Variants in LAMA4 observed in about 807,000 individuals in gnomAD.
LAMA4 encodes laminin subunit alpha 4.
In LAMA4, 127 loss-of-function variants were observed where a neutral mutation model predicts 207.1. The ratio of observed to expected loss-of-function variants is 0.61; its 90% confidence interval spans 0.53 to 0.71. LAMA4 has a LOEUF of 0.71. LAMA4 is among the 30% of genes least tolerant of loss of function. The pLI is 0.00. For missense variants in LAMA4, 2,093 were observed against 2,246.5 expected (o/e 0.93, Z 1.38); for synonymous variants, 761 against 816.0 (o/e 0.93, Z 1.15).
rs1489818057 is a variant in LAMA4 at position 112,254,273 on chromosome 6, G to T, written c.-123C>A. 2.4e-6 allele frequency: 3 copies of T among 1,237,644 alleles called. No homozygotes were observed. The highest frequency in any genetic ancestry group is 3.9e-5 in the Admixed American group (2 of 51,692). The allele number at this position is 1,237,644 out of a possible 1,614,324, so 76.7% of individuals were successfully genotyped here. ...TCCTCTCCGTGTGCAGTATCCCGAG[G>T]TGGCTGCGCAACCAGCAGCTTAGGA... is the stretch of plus-strand genomic sequence containing the variant. On this transcript the variant is annotated 5_prime_UTR_variant, in exon 2 of 39. Coordinates refer to ENST00000230538, the MANE Select transcript of LAMA4 (RefSeq NM_001105206.3).
At chr6:112,203,822 C>G (rs1162639660) in intron 4 of LAMA4, among the ~76,000 whole-genome samples, 1 of 152,152 alleles carries the variant, frequency 6.6e-6, no homozygotes, top group Admixed American at 6.5e-5. Context: ...TTTTCAACCT[C>G]GAATCTGTAC....
intron 2 of LAMA4, among the ~76,000 whole-genome samples, chr6:112,229,293 G>A (rs782048476): frequency 6.6e-6 from 1 of 152,024 alleles, no homozygotes; most frequent in African/African-American, 2.4e-5. Context: ...TTGGTGGAGA[G>A]CAGCCCATCT....
intron 12 of LAMA4, among the ~76,000 whole-genome samples, chr6:112,167,840 T>TCACACACACACACA (rs71021873): frequency 2.4e-5 from 3 of 125,858 alleles, no homozygotes; most frequent in Non-Finnish European, 4.9e-5. Flanking sequence ...ATGCATACCA[T>TCACACACACACACA]CACACACACA....
rs782595631 is a variant in LAMA4 at position 112,144,838 on chromosome 6, T to A, written c.2449A>T (p.Arg817Trp). 21 of 1,613,850 alleles carry A rather than the reference T, an allele frequency of 1.3e-5. No homozygotes were observed. The highest frequency in any genetic ancestry group is 1.6e-5 in the Non-Finnish European group (19 of 1,180,018). Residue 817 changes from arginine to tryptophan, a missense_variant, in exon 19 of 39, where the codon AGG (arginine) becomes TGG (tryptophan). Physicochemically the swap from Arg to Trp is moderately radical, Grantham distance 101. Coordinates refer to ENST00000230538, the MANE Select transcript of LAMA4 (RefSeq NM_001105206.3). ...PASNVSASIQ[R>W]IRELIAQTRS... is the part of the protein sequence containing the mutation. ...GTCTGAGCAATGAGCTCTCGGATCCTCTGGATGCTGGCAGAAACGTTGCTT... is the reference window on the plus strand; with the variant it reads ...GTCTGAGCAATGAGCTCTCGGATCCACTGGATGCTGGCAGAAACGTTGCTT...
chr6:112,115,320 TAA>T (rs1388813294), intron 36 of LAMA4, among the ~76,000 whole-genome samples: 3 of 152,188 alleles, frequency 2.0e-5, no homozygotes, highest in African/African-American at 4.8e-5. Flanking sequence ...TCTGTTATGT[TAA>T]GTTAGCAGCA....
chr6:112,224,192 T>A (rs1288195865), intron 2 of LAMA4, among the ~76,000 whole-genome samples: 1 of 152,200 alleles, frequency 6.6e-6, no homozygotes, highest in Non-Finnish European at 1.5e-5. Flanking sequence ...AGCCTTGACA[T>A]CTTTACCTGG....
intron 9 of LAMA4, among the ~76,000 whole-genome samples, chr6:112,180,240 C>T (rs919843322): frequency 1.3e-5 from 2 of 152,128 alleles, no homozygotes; most frequent in Non-Finnish European, 2.9e-5. Flanking sequence ...TGAGAGACAG[C>T]TGAAAAATGT....
At chr6:112,148,807 C>T (rs185438102) in intron 17 of LAMA4, among the ~76,000 whole-genome samples, 14 of 151,804 alleles carry the variant, frequency 9.2e-5, no homozygotes, top group African/African-American at 3.1e-4. Context: ...TGTAAATTTA[C>T]AACAAAAAAT....
rs1554342378 is a variant in LAMA4, at chr6:112,172,761, G to T, written c.1401C>A (p.Thr467=). The change falls in exon 12 of 39, where the codon ACC becomes ACA. Residue 467 remains threonine (T), a synonymous_variant. Coordinates refer to ENST00000230538, the MANE Select transcript of LAMA4 (RefSeq NM_001105206.3). The part of the protein sequence containing the change: ...AESWQRLHNE[T]RTLFPVVLEQ... ...CCAGGACGACAGGAAACAGAGTGCG[G>T]GTCTCATTGTGCAGCCGCTGCCAGC... 6.2e-7 allele frequency: 1 copy of T among 1,614,002 alleles called. No individual in the cohort carries two copies. Among genetic ancestry groups the T allele is most frequent in the Non-Finnish European group, 8.5e-7 (1 of 1,179,962 alleles).
chr6:112,157,891 T>C (rs1284461940), intron 14 of LAMA4: 1 of 152,234 alleles, frequency 6.6e-6, no homozygotes, highest in Non-Finnish European at 1.5e-5. Context: ...ATATGACCTC[T>C]CTCTTTCTTT....
At chr6:112,150,691 C>T in intron 16 of LAMA4, 64 bp from the exon 17 acceptor site, 1 of 1,133,266 alleles carries the variant, frequency 8.8e-7, no homozygotes, top group Non-Finnish European at 1.3e-6. Context: ...GATTCCATTT[C>T]AACAAGGAAA....
intron 2 of LAMA4, among the ~76,000 whole-genome samples, chr6:112,241,172 A>AAT (rs61692382): frequency 0.21 from 18,752 of 89,052 alleles, 3,978 homozygotes; most frequent in Non-Finnish European, 0.27. Context: ...AATATATATG[A>AAT]ATATATATGA....
chr6:112,197,639 T>G (rs1348380425), intron 5 of LAMA4, among the ~76,000 whole-genome samples: 1 of 152,224 alleles, frequency 6.6e-6, no homozygotes, highest in African/African-American at 2.4e-5. Context: ...AGATTCACAT[T>G]AATTCAATAA....
At chr6:112,165,543 G>A (rs1161572923) in intron 12 of LAMA4, among the ~76,000 whole-genome samples, 3 of 152,300 alleles carry the variant, frequency 2.0e-5, no homozygotes, top group South Asian at 2.1e-4. Flanking sequence ...GAGAGCTAGC[G>A]CCTTAGAGAG....
chr6:112,188,946 C>T (rs531609037), intron 7 of LAMA4, 164 bp downstream of exon 7: 2 of 629,376 alleles, frequency 3.2e-6, no homozygotes, highest in Admixed American at 2.5e-5. Context: ...AGTGGACCAC[C>T]AAGTACTTGG....
rs727503116 is a variant in LAMA4, at chr6:112,254,045, T to C, written c.106A>G (p.Ile36Val). The change falls in exon 2 of 39, where the codon ATT (isoleucine) becomes GTT (valine). Residue 36 changes from isoleucine to valine, a missense_variant. Ile to Val is a conservative substitution (Grantham distance 29). Transcript: ENST00000230538. ...SGDDNAFPFD[I>V]EGSSAVGRQD... is the part of the protein sequence containing the mutation. ...CTGCCAACCGCTGAGCTCCCTTCAA[T>C]GTCAAAAGGAAAAGCGTTGTCGTCC... The C allele has an allele frequency of 1.6e-5, 25 of 1,602,212 alleles. No homozygotes were observed. Among genetic ancestry groups the C allele is most frequent in the Non-Finnish European group, 2.0e-5 (24 of 1,174,430 alleles).
rs3216221 is a variant in LAMA4 at position 112,193,473 on chromosome 6, TA to T, written c.504-1624del. On this transcript the variant is annotated intron_variant, in intron 5 of 38. Transcript: ENST00000230538. ...TCAGAACATTTGAAAAACAGATACA[TA>T]AAAAAAAATCACATCTGTAATCCCA... Among the ~76,000 whole-genome samples the T allele has an allele frequency of 2.3e-4, 35 of 150,762 alleles. No individual in the cohort carries two copies. In the South Asian group the frequency reaches 6.3e-3, roughly 27 times the overall value.
intron 2 of LAMA4, among the ~76,000 whole-genome samples, chr6:112,233,750 C>T (rs1274978966): frequency 2.6e-5 from 4 of 152,172 alleles, no homozygotes; most frequent in African/African-American, 9.7e-5. Context: ...AACTTATATT[C>T]TGTCTGTTGT....
At chr6:112,161,455 A>G (rs1166339434) in intron 13 of LAMA4, among the ~76,000 whole-genome samples, 1 of 152,230 alleles carries the variant, frequency 6.6e-6, no homozygotes, top group African/African-American at 2.4e-5. Flanking sequence ...TTTGAAAAAA[A>G]TGTTTTTAAT....
Sources: gnomAD v4.1 joint callset for allele counts (sites outside exome capture counted in the v4.1 genomes callset) on GRCh38, gnomAD v4.1.1 for gene constraint, MANE v1.5 for transcripts, NCBI Gene and HGNC (gene_info 2026-07-23, HGNC 2026-07-21) for gene names.